The following ENAM variants were observed in gnomAD, a reference collection of about 807,000 sequenced individuals.
ENAM encodes the protein enamelin, also known as amelogenesis imperfecta 2, hypocalcification (autosomal dominant).
Under a neutral mutation model 33.6 loss-of-function variants are expected in ENAM, and 21 were observed. The observed-to-expected ratio is 0.63, with a 90% CI of 0.44 to 0.90. The LOEUF is 0.90. ENAM is among the 40% of genes least tolerant of loss of function. ENAM has a pLI of 0.00. For synonymous variants in ENAM, 473 were observed against 468.4 expected, an observed-to-expected ratio of 1.01 and a Z score of -0.13; for missense variants, 1,388 against 1,366.9, an observed-to-expected ratio of 1.02 and a Z score of -0.24.
Position 70,645,950 on chromosome 4 carries a change from T to C in ENAM, c.*1095T>C, listed in dbSNP as rs1490574445. The stretch of plus-strand genomic sequence containing the variant: ...GAAACTGCCGCTCTGAGACTGCACA[T>C]CCAGGAAAAAAGACTAGGACTTGCC... On this transcript the variant is annotated 3_prime_UTR_variant, in exon 9 of 9. Coordinates refer to ENST00000396073, the MANE Select transcript of ENAM (RefSeq NM_031889.3). 2 of 151,870 alleles carry C rather than the reference T, an allele frequency of 1.3e-5. No homozygotes were observed. The highest frequency in any genetic ancestry group is 2.9e-5 in the Non-Finnish European group (2 of 67,974). The allele number at this position is 151,870 out of a possible 1,614,324, so 9.4% of individuals were successfully genotyped here. A position where few individuals can be genotyped will look rare whatever the true frequency, so the allele number is the denominator to read the frequency against.
At position 70,642,605 on chromosome 4, in the gene ENAM, T is replaced by C; in HGVS notation, c.1179T>C (p.Asn393=). 6.2e-7 allele frequency: 1 copy of C among 1,613,990 alleles called. No homozygotes were observed. Among genetic ancestry groups the C allele is most frequent in the Non-Finnish European group, 8.5e-7 (1 of 1,179,962 alleles). ...CTACTTCAAGAGGCAATTATCCCAA[T>C]TATGCAGGAAATCCAGCAAATCTCA... ...YPPTSRGNYP[N]YAGNPANLRR... Residue 393 remains asparagine, a synonymous_variant, in exon 9 of 9, where the codon AAT becomes AAC. Transcript: ENST00000396073.
chr4:70,632,713 T>C, intron 5 of ENAM, 21 bp downstream of exon 5: 1 of 1,520,960 alleles, frequency 6.6e-7, no homozygotes, highest in Non-Finnish European at 9.1e-7. Context: ...CTTTATGTTA[T>C]TTCTGATGAT....
intron 7 of ENAM, among the ~76,000 whole-genome samples, chr4:70,636,266 T>C (rs909683459): frequency 2.0e-5 from 3 of 152,178 alleles, no homozygotes; most frequent in African/African-American, 7.2e-5. Context: ...AAATGGAGTT[T>C]GAAAACCACA....
At position 70,634,373 on chromosome 4, in the gene ENAM, C is replaced by T. The variant is rs769829982; in HGVS notation, c.276C>T (p.Pro92=). Residue 92 remains proline, a synonymous_variant, in exon 6 of 9, where the codon CCC becomes CCT. Transcript: ENST00000396073. ...AGCAATTTCCACAGTACCAGATGCC[C>T]ATGTGGCCTCAGCCACCACCCAACA... ...LPQQFPQYQM[P]MWPQPPPNTW... is the part of the protein sequence containing the mutation. 1.6e-5 allele frequency: 26 copies of T among 1,613,834 alleles called. No individual in the cohort carries two copies. Among genetic ancestry groups the T allele is most frequent in the African/African-American group, 4.0e-5 (3 of 74,912 alleles).
chr4:70,645,234 CT>C lies in ENAM; in HGVS notation c.*381del. Reference sequence around the variant, plus strand: ...AAAGGCAGATTAACTTTCCATTCTACTTATGGAGATCCACACATCAGTATAG... The same window carrying C: ...AAAGGCAGATTAACTTTCCATTCTACTATGGAGATCCACACATCAGTATAG... On this transcript the variant is annotated 3_prime_UTR_variant, in exon 9 of 9. Coordinates refer to ENST00000396073, the MANE Select transcript of ENAM (RefSeq NM_031889.3). 7.1e-6 allele frequency: 2 copies of C among 280,496 alleles called. No individual in the cohort carries two copies. Among genetic ancestry groups the C allele is most frequent in the Non-Finnish European group, 6.6e-6 (1 of 150,546 alleles). 17.4% of individuals were successfully genotyped at this position (280,496 alleles called of 1,614,324 possible). A position where few individuals can be genotyped will look rare whatever the true frequency, so the allele number is the denominator to read the frequency against.
intron 6 of ENAM, among the ~76,000 whole-genome samples, chr4:70,635,266 A>G (rs958340526): frequency 2.6e-5 from 4 of 152,174 alleles, no homozygotes; most frequent in Non-Finnish European, 4.4e-5. Flanking sequence ...AATCCCAGCT[A>G]TTCAGGAGGC....
At chr4:70,629,658 A>T in intron 2 of ENAM, 104 bp downstream of exon 2, 1 of 874,484 alleles carries the variant, frequency 1.1e-6, no homozygotes, top group Non-Finnish European at 2.0e-6. Flanking sequence ...GTATCAGAAG[A>T]CTCAAAGAGC....
chr4:70,642,875 A>C lies in ENAM; in HGVS notation c.1449A>C (p.Pro483=). Residue 483 remains proline, a synonymous_variant, in exon 9 of 9, where the codon CCA becomes CCC. Transcript: ENST00000396073. ...ACTCTGAGGGTTATATGCCAGTCCC[A>C]AATTTTAATTCTGTTGATCAACATG... ...LPHSEGYMPV[P]NFNSVDQHEN... 1 of 1,614,138 alleles carries C rather than the reference A, an allele frequency of 6.2e-7. No individual in the cohort carries two copies. Among genetic ancestry groups the C allele is most frequent in the South Asian group, 1.1e-5 (1 of 91,086 alleles).
chr4:70,633,555 A>G (rs779846675), intron 5 of ENAM, among the ~76,000 whole-genome samples: 13 of 152,216 alleles, frequency 8.5e-5, no homozygotes, highest in Non-Finnish European at 1.6e-4. Context: ...AGATAGCAAG[A>G]GACTAATTAA....
At chr4:70,634,061 C>G (rs1281051314) in intron 5 of ENAM, among the ~76,000 whole-genome samples, 1 of 152,146 alleles carries the variant, frequency 6.6e-6, no homozygotes, top group Non-Finnish European at 1.5e-5. Flanking sequence ...AATTCTTAAA[C>G]TGAGATTTCC....
At position 70,631,861 on chromosome 4, in the gene ENAM, C is replaced by G; in HGVS notation, c.136C>G (p.Arg46Gly). ...CTCTTACTTCCAGATGCACATGCCCCGAATGCCTGGATTTAGCAGTAAAAG... is the reference window on the plus strand; with the variant it reads ...CTCTTACTTCCAGATGCACATGCCCGGAATGCCTGGATTTAGCAGTAAAAG... ...NSVAMPMHMP[R>G]MPGFSSKSEE... Residue 46 changes from arginine (R) to glycine (G), a missense_variant, in exon 4 of 9, where the codon CGA (arginine) becomes GGA (glycine). Transcript: ENST00000396073. 5.0e-6 allele frequency: 8 copies of G among 1,614,004 alleles called. No individual in the cohort carries two copies. Among genetic ancestry groups the G allele is most frequent in the Non-Finnish European group, 6.8e-6 (8 of 1,179,936 alleles).
rs1738743459 is a variant in ENAM at position 70,645,713 on chromosome 4, T to G, written c.*858T>G. 1 of 152,218 alleles carries G rather than the reference T, an allele frequency of 6.6e-6. No individual in the cohort carries two copies. The highest frequency in any genetic ancestry group is 2.1e-4 in the South Asian group (1 of 4,832). 9.4% of individuals were successfully genotyped at this position (152,218 alleles called of 1,614,324 possible). On this transcript the variant is annotated 3_prime_UTR_variant, in exon 9 of 9. Coordinates refer to ENST00000396073, the MANE Select transcript of ENAM (RefSeq NM_031889.3). ...TGTATCCACTCTCCAAATCGTACCC[T>G]AAATTTTTCTTGACCCAGCTTAACC...
rs1488552740 is a variant in ENAM at position 70,637,810 on chromosome 4, T to C, written c.555T>C (p.Tyr185=). ...CTCAGAGGTTACCACCACCAGGTTA[T>C]GGACGCCCACCAATCAGCAATGAAG... ...QIPQRLPPPG[Y]GRPPISNEEG... is the part of the protein sequence containing the mutation. Residue 185 remains tyrosine (Y), a synonymous_variant, in exon 8 of 9, where the codon TAT becomes TAC. Transcript: ENST00000396073. 4 of 1,613,686 alleles carry C rather than the reference T, an allele frequency of 2.5e-6. No individual in the cohort carries two copies. Among genetic ancestry groups the C allele is most frequent in the East Asian group, 2.2e-5 (1 of 44,886 alleles).
rs758332958 is a variant in ENAM at position 70,644,248 on chromosome 4, G to A, written c.2822G>A (p.Ser941Asn). 1.3e-6 allele frequency: 2 copies of A among 1,514,058 alleles called. No individual in the cohort carries two copies. Among genetic ancestry groups the A allele is most frequent in the East Asian group, 2.2e-5 (1 of 44,468 alleles). 93.8% of individuals were successfully genotyped at this position (1,514,058 alleles called of 1,614,324 possible). A position where few individuals can be genotyped will look rare whatever the true frequency, so the allele number is the denominator to read the frequency against. Reference sequence around the variant, plus strand: ...AGAAACAGCTCAGAGAAGAGGGAAAGCCAAAACCCTTTTAGAGATGATGTG... The same window carrying A: ...AGAAACAGCTCAGAGAAGAGGGAAAACCAAAACCCTTTTAGAGATGATGTG... Reference protein sequence around the residue: ...GQRNSSEKRESQNPFRDDVST... With the variant: ...GQRNSSEKRENQNPFRDDVST... Residue 941 changes from serine (S) to asparagine (N), a missense_variant, in exon 9 of 9, where the codon AGC (serine) becomes AAC (asparagine). Physicochemically the swap from Ser to Asn is conservative, Grantham distance 46. Transcript: ENST00000396073.
chr4:70,643,835 G>A lies in ENAM; in HGVS notation c.2409G>A (p.Gln803=), dbSNP rs1385990263. 6.2e-7 allele frequency: 1 copy of A among 1,614,198 alleles called. No homozygotes were observed. Among genetic ancestry groups the A allele is most frequent in the Admixed American group, 1.7e-5 (1 of 60,018 alleles). ...AAGCCCCAGCTAGGCCACCAGACCA[G>A]AAAGGTAACCAGCCCTATTACAGTA... ...LQKAPARPPD[Q]KGNQPYYSNT... is the part of the protein sequence containing the mutation. Residue 803 remains glutamine (Q), a synonymous_variant, in exon 9 of 9, where the codon CAG becomes CAA. Coordinates refer to ENST00000396073, the MANE Select transcript of ENAM (RefSeq NM_031889.3).
Position 70,643,511 on chromosome 4 carries a change from G to C in ENAM, c.2085G>C (p.Gln695His). ...HYEGEQYTSN[Q>H]PKEYLPYSLD... ...AAGGTGAACAATATACCTCAAATCA[G>C]CCAAAGGAATATCTTCCCTATTCTT... Residue 695 changes from glutamine to histidine, a missense_variant, in exon 9 of 9, where the codon CAG becomes CAC. Coordinates refer to ENST00000396073, the MANE Select transcript of ENAM (RefSeq NM_031889.3). 1 of 1,614,086 alleles carries C rather than the reference G, an allele frequency of 6.2e-7. No homozygotes were observed.
rs768470071 is a variant in ENAM, at chr4:70,634,338, G to A, written c.241G>A (p.Gly81Ser). 18 of 1,613,800 alleles carry A rather than the reference G, an allele frequency of 1.1e-5. No homozygotes were observed. Among genetic ancestry groups the A allele is most frequent in the Admixed American group, 1.7e-5 (1 of 59,970 alleles). Residue 81 changes from glycine to serine, a missense_variant, in exon 6 of 9, where the codon GGT becomes AGT. Transcript: ENST00000396073. ...MAHLGPFFGN[G>S]LPQQFPQYQM... ...ACACCTGGGGCCCTTCTTTGGAAACGGTCTCCCTCAGCAATTTCCACAGTA... is the reference window on the plus strand; with the variant it reads ...ACACCTGGGGCCCTTCTTTGGAAACAGTCTCCCTCAGCAATTTCCACAGTA...
chr4:70,645,524 C>T lies in ENAM; in HGVS notation c.*669C>T, dbSNP rs935315280. Reference sequence around the variant, plus strand: ...TTTCTAGTCTCTTCTTTATGTCTACCTCCTCCATTATGTCTTCGTCTCTTC... The same window carrying T: ...TTTCTAGTCTCTTCTTTATGTCTACTTCCTCCATTATGTCTTCGTCTCTTC... On this transcript the variant is annotated 3_prime_UTR_variant, in exon 9 of 9. Transcript: ENST00000396073. 1 of 151,988 alleles carries T rather than the reference C, an allele frequency of 6.6e-6. No homozygotes were observed. The allele number at this position is 151,988 out of a possible 1,614,324, so 9.4% of individuals were successfully genotyped here.
Position 70,642,724 on chromosome 4 carries a change from T to C in ENAM, c.1298T>C (p.Ile433Thr), listed in dbSNP as rs1358228160. ...GGCCCTGTTGTTCGCAATGAAAAAA[T>C]CCAAAATCCAAAGGAGAAGCCCCTG... is the stretch of plus-strand genomic sequence containing the variant. The part of the protein sequence containing the change: ...KPGPVVRNEK[I>T]QNPKEKPLGP... Residue 433 changes from isoleucine (I) to threonine (T), a missense_variant, in exon 9 of 9, where the codon ATC becomes ACC. Transcript: ENST00000396073. The C allele has an allele frequency of 6.2e-7, 1 of 1,604,004 alleles. No homozygotes were observed. Among genetic ancestry groups the C allele is most frequent in the African/African-American group, 1.4e-5 (1 of 73,932 alleles).
Sources: allele counts gnomAD v4.1 joint callset (sites outside exome capture counted in the v4.1 genomes callset), GRCh38; gene constraint gnomAD v4.1.1; transcripts MANE v1.5; gene names NCBI Gene and HGNC (gene_info 2026-07-23, HGNC 2026-07-21).